The following PAPSS1 variants were observed in gnomAD, a reference collection of about 807,000 sequenced individuals.
PAPSS1 encodes the protein bifunctional 3'-phosphoadenosine 5'-phosphosulfate synthase 1.
Under a neutral mutation model 72.0 loss-of-function variants are expected in PAPSS1, and 50 were observed. The observed-to-expected ratio is 0.69, with a 90% confidence interval of 0.55 to 0.88. The LOEUF (loss-of-function observed/expected upper bound fraction) is 0.88, where lower values mean the gene tolerates loss of function less well. PAPSS1 is among the 40% of genes least tolerant of loss of function. The pLI is 0.00. For synonymous variants in PAPSS1, 261 were observed against 263.6 expected (o/e 0.99, Z 0.09); for missense variants, 657 against 782.2 (o/e 0.84, Z 1.91).
chr4:107,712,639 C>T (rs1467393136), intron 1 of PAPSS1, among the ~76,000 whole-genome samples: 2 of 152,002 alleles, frequency 1.3e-5, no homozygotes, highest in African/African-American at 2.4e-5. Flanking sequence ...CTTTGGGAGG[C>T]GCAGGCGGGT....
intron 2 of PAPSS1, among the ~76,000 whole-genome samples, chr4:107,696,287 A>G (rs1723061612): frequency 6.6e-6 from 1 of 152,234 alleles, no homozygotes; most frequent in Non-Finnish European, 1.5e-5. Flanking sequence ...TGTTTATTGC[A>G]GCACTATTTA....
intron 5 of PAPSS1, among the ~76,000 whole-genome samples, chr4:107,680,910 G>A (rs1447098841): frequency 6.6e-6 from 1 of 152,114 alleles, no homozygotes; most frequent in African/African-American, 2.4e-5. Context: ...AAAAACATCA[G>A]AGCAGTATCG....
At chr4:107,634,508 G>A (rs961516258) in intron 10 of PAPSS1, among the ~76,000 whole-genome samples, 8 of 152,050 alleles carry the variant, frequency 5.3e-5, no homozygotes, top group Non-Finnish European at 8.8e-5. Flanking sequence ...CTTTTTCCAA[G>A]TAAATGGTGG....
chr4:107,620,783 A>G (rs1248513187), intron 11 of PAPSS1, among the ~76,000 whole-genome samples: 2 of 152,270 alleles, frequency 1.3e-5, no homozygotes, highest in African/African-American at 4.8e-5. Context: ...TTAAGAAAGA[A>G]AGACAGATTG....
chr4:107,684,643 C>T (rs1722725471), intron 4 of PAPSS1, among the ~76,000 whole-genome samples: 1 of 152,190 alleles, frequency 6.6e-6, no homozygotes, highest in Non-Finnish European at 1.5e-5. Flanking sequence ...TTCTATCAAT[C>T]CCAGTTCTTC....
intron 1 of PAPSS1, among the ~76,000 whole-genome samples, chr4:107,714,696 C>A (rs1030058997): frequency 3.3e-5 from 5 of 152,070 alleles, no homozygotes; most frequent in Non-Finnish European, 2.9e-5. Context: ...GAAGAATTAT[C>A]CCCCTCCATA....
At chr4:107,635,001 T>C (rs955836189) in intron 10 of PAPSS1, among the ~76,000 whole-genome samples, 1 of 152,060 alleles carries the variant, frequency 6.6e-6, no homozygotes, top group Admixed American at 6.5e-5. Context: ...GGTTTTACCG[T>C]GTTAGCCAGG....
chr4:107,655,556 TA>T (rs915759016), intron 7 of PAPSS1, among the ~76,000 whole-genome samples: 8 of 152,226 alleles, frequency 5.3e-5, no homozygotes, highest in Non-Finnish European at 1.0e-4. Flanking sequence ...TTGCAAGCTA[TA>T]AAAATCTTTT....
chr4:107,670,730 A>C (rs1471880282), intron 5 of PAPSS1, among the ~76,000 whole-genome samples: 1 of 152,008 alleles, frequency 6.6e-6, no homozygotes, highest in African/African-American at 2.4e-5. Flanking sequence ...CAAGGACAGG[A>C]TCTCACTATG....
intron 5 of PAPSS1, among the ~76,000 whole-genome samples, chr4:107,677,544 T>C (rs1234076035): frequency 6.6e-6 from 1 of 152,088 alleles, no homozygotes; most frequent in African/African-American, 2.4e-5. Flanking sequence ...CAACAGGTGC[T>C]GGAGAGGATG....
At chr4:107,712,002 G>A (rs886996560) in intron 1 of PAPSS1, among the ~76,000 whole-genome samples, 4 of 152,142 alleles carry the variant, frequency 2.6e-5, no homozygotes, top group South Asian at 4.1e-4. Flanking sequence ...TACCACAGAC[G>A]TCCTGAATCA....
chr4:107,658,110 T>C (rs1216602431), intron 6 of PAPSS1, among the ~76,000 whole-genome samples: 2 of 152,020 alleles, frequency 1.3e-5, no homozygotes, highest in Non-Finnish European at 2.9e-5. Context: ...ATCACCCCAC[T>C]GGCCAGCTAA....
At chr4:107,629,998 T>C (rs1468679934) in intron 11 of PAPSS1, among the ~76,000 whole-genome samples, 12 of 152,204 alleles carry the variant, frequency 7.9e-5, no homozygotes, top group Non-Finnish European at 1.8e-4. Context: ...TTTGGCTCTT[T>C]CTGGCTTCAT....
intron 11 of PAPSS1, among the ~76,000 whole-genome samples, chr4:107,627,081 G>A (rs1726118904): frequency 6.6e-6 from 1 of 152,146 alleles, no homozygotes. Flanking sequence ...AAACATCAAA[G>A]TTACCAAAGG....
At chr4:107,667,501 G>C (rs1578408855) in intron 5 of PAPSS1, among the ~76,000 whole-genome samples, 1 of 152,116 alleles carries the variant, frequency 6.6e-6, no homozygotes, top group Admixed American at 6.6e-5. Flanking sequence ...ACAGGGCAGT[G>C]TATAGGAGTG....
chr4:107,621,976 C>T (rs1029285190), intron 11 of PAPSS1, among the ~76,000 whole-genome samples: 2 of 152,046 alleles, frequency 1.3e-5, no homozygotes, highest in African/African-American at 4.8e-5. Flanking sequence ...ACCTATTTTT[C>T]TTCCACTGGA....
chr4:107,671,581 A>G (rs1222793621), intron 5 of PAPSS1, among the ~76,000 whole-genome samples: 7 of 152,192 alleles, frequency 4.6e-5, no homozygotes, highest in Non-Finnish European at 8.8e-5. Context: ...ACACTTATGA[A>G]TCACTAACAA....
chr4:107,627,418 C>G (rs569847715), intron 11 of PAPSS1, among the ~76,000 whole-genome samples: 2 of 152,282 alleles, frequency 1.3e-5, no homozygotes, highest in East Asian at 3.9e-4. Context: ...AAATAAATCT[C>G]ATGCTAGGTG....
At chr4:107,640,559 GT>G (rs1172917865) in intron 10 of PAPSS1, among the ~76,000 whole-genome samples, 3 of 151,556 alleles carry the variant, frequency 2.0e-5, no homozygotes, top group East Asian at 1.9e-4. Context: ...AAATGAGAGG[GT>G]TTTTTTTTAT....
Sources: gnomAD v4.1 joint callset for allele counts (sites outside exome capture counted in the v4.1 genomes callset) on GRCh38, gnomAD v4.1.1 for gene constraint, MANE v1.5 for transcripts, NCBI Gene and HGNC (gene_info 2026-07-23, HGNC 2026-07-21) for gene names.